ABTB3: variants seen among roughly 807,000 people sequenced by gnomAD.
The protein encoded by ABTB3 is ankyrin repeat and BTB domain containing 3, also known as ankyrin repeat- and BTB/POZ domain-containing protein 3.
At chr12:107,512,043 T>G in the ABTB3 span, among the ~76,000 whole-genome samples, 6 of 152,228 alleles carry the variant, frequency 3.9e-5, no homozygotes, top group East Asian at 1.2e-3. Flanking sequence ...GCCCAGAGGT[T>G]TTCGCTTAAT....
chr12:107,478,876 G>C, the ABTB3 span, among the ~76,000 whole-genome samples: 2 of 152,030 alleles, frequency 1.3e-5, no homozygotes, highest in African/African-American at 4.8e-5. Flanking sequence ...TAGCTTCTGG[G>C]TTTGTCCCAA....
At chr12:107,544,104 C>T in the ABTB3 span, 137 of 1,613,998 alleles carry the variant, frequency 8.5e-5, no homozygotes, top group East Asian at 2.2e-4. Flanking sequence ...AAAACCCCAA[C>T]GTGGAGCCTT....
the ABTB3 span, among the ~76,000 whole-genome samples, chr12:107,331,885 T>TC: frequency 2.8e-4 from 43 of 152,044 alleles, no homozygotes; most frequent in Middle Eastern, 3.4e-3. Flanking sequence ...GGCAGGGGCC[T>TC]CCCCCCCGCC....
At chr12:107,459,327 G>GTGAT in the ABTB3 span, among the ~76,000 whole-genome samples, 4 of 152,176 alleles carry the variant, frequency 2.6e-5, no homozygotes, top group Non-Finnish European at 5.9e-5. Context: ...TCATTCATTT[G>GTGAT]TGATTGATTG....
At chr12:107,410,357 A>G in the ABTB3 span, among the ~76,000 whole-genome samples, 1 of 151,856 alleles carries the variant, frequency 6.6e-6, no homozygotes, top group Non-Finnish European at 1.5e-5. Context: ...GGGTTGTGGT[A>G]GGAGGGAGCA....
At chr12:107,636,998 C>T in the ABTB3 span, among the ~76,000 whole-genome samples, 10 of 152,200 alleles carry the variant, frequency 6.6e-5, no homozygotes, top group African/African-American at 2.2e-4. Flanking sequence ...TGGGGCCAGA[C>T]GTGGTGGCTC....
chr12:107,565,561 AC>A, the ABTB3 span, among the ~76,000 whole-genome samples: 60 of 151,742 alleles, frequency 4.0e-4, 1 homozygote, highest in East Asian at 0.01. Flanking sequence ...CAGCTGCCAT[AC>A]CCCAGCCAAA....
At chr12:107,638,042 C>T in the ABTB3 span, among the ~76,000 whole-genome samples, 4,226 of 152,148 alleles carry the variant, frequency 0.028, 219 homozygotes, top group African/African-American at 0.097. Context: ...GCCTTCTCCC[C>T]TGCAGCCTCT....
At chr12:107,523,605 A>G in the ABTB3 span, among the ~76,000 whole-genome samples, 1 of 152,174 alleles carries the variant, frequency 6.6e-6, no homozygotes, top group Non-Finnish European at 1.5e-5. Flanking sequence ...ATATAACAAG[A>G]TATAGCAGCA....
chr12:107,389,585 G>A, the ABTB3 span, among the ~76,000 whole-genome samples: 1 of 151,966 alleles, frequency 6.6e-6, no homozygotes, highest in South Asian at 2.1e-4. Context: ...TGACTATTTT[G>A]GTTATTAATT....
At chr12:107,644,412 G>A in the ABTB3 span, among the ~76,000 whole-genome samples, 13 of 152,164 alleles carry the variant, frequency 8.5e-5, no homozygotes, top group Admixed American at 3.9e-4. Context: ...AGCATTTTGC[G>A]GTCTCCCCCA....
chr12:107,557,629 A>G, the ABTB3 span, among the ~76,000 whole-genome samples: 2 of 152,258 alleles, frequency 1.3e-5, no homozygotes, highest in Non-Finnish European at 1.5e-5. Context: ...AGCTATAAGC[A>G]CAATAATAGT....
At chr12:107,535,868 C>T in the ABTB3 span, among the ~76,000 whole-genome samples, 1 of 152,026 alleles carries the variant, frequency 6.6e-6, no homozygotes. Flanking sequence ...TATCAAAACA[C>T]CAATGACATT....
the ABTB3 span, among the ~76,000 whole-genome samples, chr12:107,461,296 G>A: frequency 6.6e-6 from 1 of 152,172 alleles, no homozygotes; most frequent in East Asian, 1.9e-4. Flanking sequence ...AACCATACAT[G>A]CTGGATTAAG....
At chr12:107,448,315 T>C in the ABTB3 span, among the ~76,000 whole-genome samples, 2 of 152,178 alleles carry the variant, frequency 1.3e-5, no homozygotes. Context: ...GGTAGCTGTG[T>C]TGAGTTGTGT....
chr12:107,340,269 G>T, the ABTB3 span, among the ~76,000 whole-genome samples: 1 of 152,152 alleles, frequency 6.6e-6, no homozygotes, highest in Non-Finnish European at 1.5e-5. Flanking sequence ...GCTTAGTGGA[G>T]AAAAAATGGT....
chr12:107,465,615 G>T, the ABTB3 span, among the ~76,000 whole-genome samples: 1 of 152,146 alleles, frequency 6.6e-6, no homozygotes, highest in Admixed American at 6.5e-5. Flanking sequence ...GACCTCCCCT[G>T]TGATGCTCTG....
At chr12:107,640,867 T>A in the ABTB3 span, among the ~76,000 whole-genome samples, 2 of 152,248 alleles carry the variant, frequency 1.3e-5, no homozygotes, top group African/African-American at 2.4e-5. Flanking sequence ...CTATGCCAGC[T>A]CTGCAACTGC....
the ABTB3 span, among the ~76,000 whole-genome samples, chr12:107,325,540 AG>A: frequency 7.9e-5 from 12 of 152,192 alleles, no homozygotes; most frequent in Non-Finnish European, 2.9e-5. Context: ...GGCATTTGCA[AG>A]TTGGGTGTTT....
Sources: allele counts gnomAD v4.1 joint callset (sites outside exome capture counted in the v4.1 genomes callset), GRCh38; gene constraint gnomAD v4.1.1; transcripts MANE v1.5; gene names NCBI Gene and HGNC (gene_info 2026-07-23, HGNC 2026-07-21).